The following SLCO1A2 variants were observed in gnomAD, a reference collection of about 807,000 sequenced individuals.
The protein encoded by SLCO1A2 is OATP-1.
In SLCO1A2, 67 loss-of-function variants were observed where a neutral mutation model predicts 69.0. That is an observed-to-expected ratio of 0.97 (90% CI 0.80 to 1.19). SLCO1A2 has a LOEUF of 1.19. Ranked by LOEUF, SLCO1A2 falls within the 50% of genes most tolerant of loss-of-function variation. The pLI is 0.00. For synonymous variants in SLCO1A2, 260 were observed against 265.9 expected (o/e 0.98, Z 0.22); for missense variants, 787 against 793.7 (o/e 0.99, Z 0.10).
At chr12:21,325,336 AT>A (rs34696667) in intron 2 of SLCO1A2, among the ~76,000 whole-genome samples, 7,379 of 152,274 alleles carry the variant, frequency 0.048, 584 homozygotes, top group African/African-American at 0.16. Flanking sequence ...ATTACCTTAC[AT>A]AAAGGCTGTT....
intron 12 of SLCO1A2, among the ~76,000 whole-genome samples, chr12:21,282,410 C>CA (rs933017013): frequency 1.5e-4 from 23 of 151,506 alleles, no homozygotes; most frequent in African/African-American, 4.4e-4. Context: ...AAAAAACTCT[C>CA]AAAAAACTGG....
intron 14 of SLCO1A2, 53 bp downstream of exon 14, chr12:21,274,416 G>T: frequency 8.4e-7 from 1 of 1,183,606 alleles, no homozygotes; most frequent in Non-Finnish European, 1.3e-6. Flanking sequence ...ATGGTGCTGC[G>T]TTATGCACAG....
At chr12:21,275,696 A>G (rs1591775203) in intron 12 of SLCO1A2, among the ~76,000 whole-genome samples, 1 of 152,024 alleles carries the variant, frequency 6.6e-6, no homozygotes, top group South Asian at 2.1e-4. Context: ...ATCCCAGCAC[A>G]CTGGGAGGCC....
intron 2 of SLCO1A2, among the ~76,000 whole-genome samples, chr12:21,365,204 G>A (rs1408325139): frequency 6.6e-6 from 1 of 152,096 alleles, no homozygotes; most frequent in Non-Finnish European, 1.5e-5. Context: ...CAGAGATATA[G>A]ACCAATGGAA....
intron 2 of SLCO1A2, among the ~76,000 whole-genome samples, chr12:21,322,259 C>G (rs1467918431): frequency 6.6e-6 from 1 of 151,520 alleles, no homozygotes; most frequent in African/African-American, 2.4e-5. Context: ...TGCCTGTGAA[C>G]CCAAAAGTAT....
At chr12:21,272,840 A>G (rs930022164) in intron 14 of SLCO1A2, among the ~76,000 whole-genome samples, 1 of 151,990 alleles carries the variant, frequency 6.6e-6, no homozygotes, top group East Asian at 1.9e-4. Flanking sequence ...CTCCCCTTCT[A>G]TTGGTTGGAA....
At chr12:21,372,408 C>T (rs1939865911) in intron 2 of SLCO1A2, among the ~76,000 whole-genome samples, 1 of 152,078 alleles carries the variant, frequency 6.6e-6, no homozygotes, top group African/African-American at 2.4e-5. Flanking sequence ...TTTTAAATCT[C>T]CCCTCACCTC....
At chr12:21,373,003 A>C (rs1301800362) in intron 2 of SLCO1A2, 1 of 277,846 alleles carries the variant, frequency 3.6e-6, no homozygotes, top group Non-Finnish European at 6.8e-6. Flanking sequence ...AAACATTAAA[A>C]GGTAAAGAAT....
rs1941905720 is a variant in SLCO1A2 at position 21,264,828 on chromosome 12, A to G, written c.*4720T>C. The G allele has an allele frequency of 6.6e-6, 1 of 152,150 alleles. No individual in the cohort carries two copies. Among genetic ancestry groups the G allele is most frequent in the Non-Finnish European group, 1.5e-5 (1 of 68,044 alleles). The allele number at this position is 152,150 out of a possible 1,614,324, so 9.4% of individuals were successfully genotyped here. ...CCACAGGATCATTTGATCATTACTA[A>G]CTGTGCAGGAATATTTACAACAGTA... On this transcript the variant is annotated 3_prime_UTR_variant, in exon 15 of 15. Coordinates refer to ENST00000683939, the MANE Select transcript of SLCO1A2 (RefSeq NM_001386879.1).
chr12:21,366,871 T>C (rs1015307586), intron 2 of SLCO1A2, among the ~76,000 whole-genome samples: 7 of 151,802 alleles, frequency 4.6e-5, no homozygotes, highest in Admixed American at 3.9e-4. Context: ...AAAATATATA[T>C]AAACACAAGA....
chr12:21,301,736 A>T (rs775039024), intron 6 of SLCO1A2, among the ~76,000 whole-genome samples: 1 of 152,156 alleles, frequency 6.6e-6, no homozygotes, highest in Non-Finnish European at 1.5e-5. Flanking sequence ...TGTCCTCATT[A>T]TTATTATATG....
intron 2 of SLCO1A2, among the ~76,000 whole-genome samples, chr12:21,340,308 G>A (rs1265387358): frequency 6.6e-6 from 1 of 151,972 alleles, no homozygotes; most frequent in Non-Finnish European, 1.5e-5. Flanking sequence ...TTTAGGTTAT[G>A]TGTGTGGGGA....
rs146022846 is a variant in SLCO1A2 at position 21,304,273 on chromosome 12, A to T, written c.589+154T>A. Among the ~76,000 whole-genome samples, 930 of 152,174 alleles carry T rather than the reference A, an allele frequency of 6.1e-3. 9 individuals carry two copies. Among genetic ancestry groups the T allele is most frequent in the African/African-American group, 0.021 (871 of 41,540 alleles). The stretch of plus-strand genomic sequence containing the variant: ...AGCTCATTGTCATTTAGCATATCTC[A>T]TCTCCATTCAACAAACTTTTATGGA... On this transcript the variant is annotated intron_variant, in intron 6 of 14. Coordinates refer to ENST00000683939, the MANE Select transcript of SLCO1A2 (RefSeq NM_001386879.1).
chr12:21,375,541 A>C (rs561212613), intron 1 of SLCO1A2, among the ~76,000 whole-genome samples: 7 of 152,350 alleles, frequency 4.6e-5, no homozygotes, highest in African/African-American at 1.7e-4. Context: ...AAAGGATCAC[A>C]TACTTTCCCA....
At chr12:21,409,138 A>G (rs186805852) in intron 1 of SLCO1A2, among the ~76,000 whole-genome samples, 17 of 152,236 alleles carry the variant, frequency 1.1e-4, no homozygotes, top group Non-Finnish European at 2.4e-4. Context: ...TCACTTGATG[A>G]TAATTCTGTT....
upstream of SLCO1A2, among the ~76,000 whole-genome samples, chr12:21,399,042 A>G (rs1941590165): frequency 6.8e-6 from 1 of 148,146 alleles, no homozygotes. Flanking sequence ...AGGCAGGAGA[A>G]GGAAATAAAG....
chr12:21,384,521 A>C (rs2137133322), intron 1 of SLCO1A2, among the ~76,000 whole-genome samples: 1 of 152,250 alleles, frequency 6.6e-6, no homozygotes, highest in East Asian at 1.9e-4. Context: ...TGGCACACAA[A>C]CCCTTAAAAG....
At chr12:21,357,219 G>A (rs1938437966) in intron 2 of SLCO1A2, among the ~76,000 whole-genome samples, 2 of 152,066 alleles carry the variant, frequency 1.3e-5, no homozygotes. Context: ...TTAAGATGAA[G>A]TCATACTGAG....
intron 2 of SLCO1A2, among the ~76,000 whole-genome samples, chr12:21,360,436 C>T (rs562732857): frequency 3.4e-4 from 51 of 152,236 alleles, no homozygotes; most frequent in African/African-American, 1.2e-3. Context: ...GAGGGTGGCA[C>T]CAAGATGGCC....
Sources: allele counts gnomAD v4.1 joint callset (sites outside exome capture counted in the v4.1 genomes callset), GRCh38; gene constraint gnomAD v4.1.1; transcripts MANE v1.5; gene names NCBI Gene and HGNC (gene_info 2026-07-23, HGNC 2026-07-21).